Variants in NCKAP5 observed in about 807,000 individuals in gnomAD.
NCKAP5 encodes the protein NCK associated protein 5.
NCKAP5 carries 92 observed loss-of-function variants against 167.0 expected under a neutral mutation model. The ratio of observed to expected loss-of-function variants is 0.55; its 90% CI spans 0.47 to 0.66. The LOEUF (loss-of-function observed/expected upper bound fraction) is 0.66. NCKAP5 is among the 30% of genes least tolerant of loss of function. The pLI, the probability that NCKAP5 is intolerant of heterozygous loss-of-function variation, is 0.00. For missense variants in NCKAP5, 2,378 were observed against 2,315.0 expected (o/e 1.03, Z -0.56); for synonymous variants, 891 against 877.4 (o/e 1.02, Z -0.27).
intron 16 of NCKAP5, among the ~76,000 whole-genome samples, chr2:132,761,923 C>T (rs1044339006): frequency 2.6e-5 from 4 of 152,116 alleles, no homozygotes; most frequent in African/African-American, 9.7e-5. Flanking sequence ...TTTGTAACTC[C>T]TGGCCAAGCA....
intron 7 of NCKAP5, among the ~76,000 whole-genome samples, chr2:132,979,676 C>A (rs1559014626): frequency 1.3e-5 from 2 of 152,220 alleles, no homozygotes; most frequent in Non-Finnish European, 2.9e-5. Flanking sequence ...TACCCATAGT[C>A]CTCTGCTTTC....
At position 133,302,981 on chromosome 2, in the gene NCKAP5, C is replaced by G; in HGVS notation, c.143+56G>C. 3 of 1,217,890 alleles carry G rather than the reference C, an allele frequency of 2.5e-6. No individual in the cohort carries two copies. The Middle Eastern group carries it at 5.6e-4, about 228-fold the overall frequency. 75.4% of individuals were successfully genotyped at this position (1,217,890 alleles called of 1,614,324 possible). A position where few individuals can be genotyped will look rare whatever the true frequency, so the allele number is the denominator to read the frequency against. ...GTCTAACTGAAATATTTTAGATCAG[C>G]AAAGCTATAAAGGATGCTACCTGAG... On this transcript the variant is annotated intron_variant, in intron 4 of 19. Transcript: ENST00000409261.
intron 5 of NCKAP5, among the ~76,000 whole-genome samples, chr2:133,145,611 C>T (rs1462098114): frequency 6.6e-6 from 1 of 152,030 alleles, no homozygotes; most frequent in Non-Finnish European, 1.5e-5. Flanking sequence ...AGTTTATAAT[C>T]TAAAATTTGT....
chr2:133,043,955 TC>T (rs2079301397), intron 6 of NCKAP5, among the ~76,000 whole-genome samples: 2 of 152,186 alleles, frequency 1.3e-5, no homozygotes, highest in Admixed American at 6.6e-5. Flanking sequence ...AAGGTGTAGT[TC>T]CTCACAAATG....
At chr2:133,618,662 C>T in the NCKAP5 span, among the ~76,000 whole-genome samples, 1 of 152,144 alleles carries the variant, frequency 6.6e-6, no homozygotes, top group East Asian at 1.9e-4. Flanking sequence ...ACAACAGGTG[C>T]TAGAGAGGAT....
intron 11 of NCKAP5, among the ~76,000 whole-genome samples, chr2:132,821,214 C>T (rs951020208): frequency 2.6e-5 from 4 of 152,276 alleles, no homozygotes; most frequent in South Asian, 2.1e-4. Context: ...GTTCCCAAAG[C>T]GTGAGGGGGA....
intron 1 of NCKAP5, among the ~76,000 whole-genome samples, chr2:133,559,738 T>C (rs1309928431): frequency 6.6e-6 from 1 of 152,166 alleles, no homozygotes; most frequent in Non-Finnish European, 1.5e-5. Context: ...CAAGGATAAA[T>C]GCCACATGGG....
At chr2:133,581,382 A>G in the NCKAP5 span, among the ~76,000 whole-genome samples, 1 of 152,142 alleles carries the variant, frequency 6.6e-6, no homozygotes, top group Non-Finnish European at 1.5e-5. Context: ...ATGCTGGCTA[A>G]TTTAAGTCCC....
At chr2:132,748,204 G>C (rs1444382075) in intron 16 of NCKAP5, among the ~76,000 whole-genome samples, 1 of 152,174 alleles carries the variant, frequency 6.6e-6, no homozygotes, top group African/African-American at 2.4e-5. Flanking sequence ...ATGTCTAAGG[G>C]AGAGAGAAGT....
intron 3 of NCKAP5, among the ~76,000 whole-genome samples, chr2:133,328,201 G>A (rs112612327): frequency 4.6e-5 from 7 of 152,248 alleles, no homozygotes; most frequent in African/African-American, 9.6e-5. Context: ...TAATTTTTTC[G>A]TGTTGATTTA....
intron 3 of NCKAP5, among the ~76,000 whole-genome samples, chr2:133,345,261 T>C (rs1377820810): frequency 1.3e-5 from 2 of 152,066 alleles, no homozygotes; most frequent in East Asian, 3.9e-4. Flanking sequence ...TGTGCAACCC[T>C]CCAAGTGTGA....
chr2:133,642,694 G>C, the NCKAP5 span, among the ~76,000 whole-genome samples: 1 of 152,012 alleles, frequency 6.6e-6, no homozygotes, highest in Non-Finnish European at 1.5e-5. Context: ...TTGTAATATT[G>C]ACAGGAAACA....
At chr2:133,013,250 G>A (rs1435743986) in intron 6 of NCKAP5, among the ~76,000 whole-genome samples, 2 of 152,218 alleles carry the variant, frequency 1.3e-5, no homozygotes, top group East Asian at 3.9e-4. Flanking sequence ...TTTGTCAGCA[G>A]GCTGCAGGGC....
chr2:133,318,463 T>C (rs1167041135), intron 3 of NCKAP5, among the ~76,000 whole-genome samples: 3 of 152,214 alleles, frequency 2.0e-5, no homozygotes, highest in African/African-American at 7.2e-5. Flanking sequence ...AAAGTGCTTT[T>C]ATAGGTGGTA....
At chr2:133,662,572 A>G in the NCKAP5 span, among the ~76,000 whole-genome samples, 1 of 148,820 alleles carries the variant, frequency 6.7e-6, no homozygotes, top group Non-Finnish European at 1.5e-5. Flanking sequence ...AAGAGAGAGT[A>G]TAAAGAATTT....
At chr2:133,320,237 T>C (rs914211602) in intron 3 of NCKAP5, among the ~76,000 whole-genome samples, 2 of 152,194 alleles carry the variant, frequency 1.3e-5, no homozygotes, top group Non-Finnish European at 2.9e-5. Flanking sequence ...GCCAAACTTC[T>C]ATTTTGGAAT....
At chr2:132,878,636 ACACACACACACACACACACG>A (rs770367327) in intron 9 of NCKAP5, among the ~76,000 whole-genome samples, 192 bp downstream of exon 9, 21,976 of 139,270 alleles carry the variant, frequency 0.16, 1,643 homozygotes, top group East Asian at 0.33. Flanking sequence ...ACACACACAC[ACACACACACACACACACACG>A]CACGCATACA....
intron 4 of NCKAP5, among the ~76,000 whole-genome samples, chr2:133,224,027 C>A (rs962314614): frequency 2.0e-5 from 3 of 152,154 alleles, no homozygotes; most frequent in Non-Finnish European, 4.4e-5. Flanking sequence ...GGTGTGTTAT[C>A]CACAGGCTTG....
At chr2:133,560,898 T>G (rs1020273603) in intron 1 of NCKAP5, among the ~76,000 whole-genome samples, 1 of 152,200 alleles carries the variant, frequency 6.6e-6, no homozygotes, top group Non-Finnish European at 1.5e-5. Context: ...CTCAGCCATG[T>G]TCAACAGTCA....
Sources: gnomAD v4.1 joint callset for allele counts (sites outside exome capture counted in the v4.1 genomes callset) on GRCh38, gnomAD v4.1.1 for gene constraint, MANE v1.5 for transcripts, NCBI Gene and HGNC (gene_info 2026-07-23, HGNC 2026-07-21) for gene names.